Variants in APBA2 observed in about 807,000 individuals in gnomAD.
The protein encoded by APBA2 is amyloid beta precursor protein binding family A member 2, also known as amyloid-beta A4 precursor protein-binding family A member 2.
Under a neutral mutation model 75.0 loss-of-function variants are expected in APBA2, and 30 were observed. The observed-to-expected ratio is 0.40, with a 90% CI of 0.30 to 0.54. The LOEUF (loss-of-function observed/expected upper bound fraction) is 0.54, where lower values mean the gene tolerates loss of function less well. Ranked by LOEUF, APBA2 falls within the 20% of genes least tolerant of loss-of-function variation. APBA2 has a pLI of 0.49. For synonymous variants in APBA2, 444 were observed against 409.6 expected, an observed-to-expected ratio of 1.08 and a Z score of -1.01; for missense variants, 801 against 1,016.1, an observed-to-expected ratio of 0.79 and a Z score of 2.88.
chr15:28,917,166 C>G (rs888688613), intron 1 of APBA2, among the ~76,000 whole-genome samples: 1 of 152,234 alleles, frequency 6.6e-6, no homozygotes, highest in Admixed American at 6.5e-5. Flanking sequence ...TTTCCTGTTT[C>G]CATCCTCCCT....
In APBA2 at chr15:28,902,401, A is replaced by C. The variant is rs552668756; in HGVS notation, c.-205+16123A>C. The stretch of plus-strand genomic sequence containing the variant: ...TGCTCTTCAAAATATCAAGTCCATC[A>C]AAACTAAGGACACTCTGAGATGCTG... On this transcript the variant is annotated intron_variant, in intron 1 of 14. Coordinates refer to ENST00000683413, the MANE Select transcript of APBA2 (RefSeq NM_001353788.2). Among the ~76,000 whole-genome samples the C allele has an allele frequency of 9.7e-4, 148 of 152,302 alleles. 2 individuals carry two copies. Among genetic ancestry groups the C allele is most frequent in the African/African-American group, 3.5e-3 (146 of 41,558 alleles).
chr15:28,993,019 C>A (rs2038316650), intron 2 of APBA2, among the ~76,000 whole-genome samples: 1 of 152,170 alleles, frequency 6.6e-6, no homozygotes, highest in Non-Finnish European at 1.5e-5. Flanking sequence ...CCTCACTGCC[C>A]CTGGAGGGGC....
chr15:28,886,561 G>A (rs904517007), intron 1 of APBA2, among the ~76,000 whole-genome samples: 1 of 151,920 alleles, frequency 6.6e-6, no homozygotes, highest in Non-Finnish European at 1.5e-5. Context: ...CCCGCGCGGG[G>A]GGCACCGCGG....
At chr15:28,941,216 C>T (rs1052468688) in intron 2 of APBA2, among the ~76,000 whole-genome samples, 11 of 152,100 alleles carry the variant, frequency 7.2e-5, no homozygotes, top group Admixed American at 3.3e-4. Context: ...GAGGATGGAA[C>T]CTCTGTGTCT....
At chr15:29,008,203 A>C (rs540748324) in intron 3 of APBA2, among the ~76,000 whole-genome samples, 1 of 152,264 alleles carries the variant, frequency 6.6e-6, no homozygotes, top group East Asian at 1.9e-4. Flanking sequence ...TGGAGACAGA[A>C]AGTAGAATGG....
intron 1 of APBA2, among the ~76,000 whole-genome samples, chr15:28,917,007 CA>C (rs1176104001): frequency 6.6e-6 from 1 of 151,816 alleles, no homozygotes; most frequent in Non-Finnish European, 1.5e-5. Flanking sequence ...ATACACTTCT[CA>C]AAAAAAGGGA....
chr15:29,011,061 C>T (rs964575656), intron 3 of APBA2, among the ~76,000 whole-genome samples: 5 of 152,196 alleles, frequency 3.3e-5, no homozygotes, highest in African/African-American at 1.2e-4. Context: ...TCCGACTACT[C>T]TAGGTACCTC....
rs777050127 is a variant in APBA2 at position 29,105,440 on chromosome 15, G to A, written c.1586G>A (p.Arg529Gln). 2.2e-5 allele frequency: 36 copies of A among 1,613,560 alleles called. No individual in the cohort carries two copies. Among genetic ancestry groups the A allele is most frequent in the South Asian group, 4.4e-5 (4 of 91,074 alleles). The change falls in exon 11 of 15, where the codon CGA becomes CAA. Residue 529 changes from arginine (R) to glutamine (Q), a missense_variant. By Grantham distance (43) the Arg-to-Gln change is conservative. This residue lies in a region of APBA2 where 367 missense variants were observed against 544.5 expected (regional missense o/e 0.67). Transcript: ENST00000683413. ...AGCGTGGCCTACCAGGAGTTCCTGC[G>A]AGCCAATGGCATCAACCCCGAAGAC... Reference protein sequence around the residue: ...AFSVAYQEFLRANGINPEDLS... With the variant: ...AFSVAYQEFLQANGINPEDLS...
intron 2 of APBA2, among the ~76,000 whole-genome samples, chr15:28,936,577 C>CGTG (rs1256493050): frequency 5.9e-5 from 9 of 152,214 alleles, no homozygotes; most frequent in Non-Finnish European, 1.3e-4. Flanking sequence ...GCGTTAGGCA[C>CGTG]GTGCTGGGTG....
intron 3 of APBA2, among the ~76,000 whole-genome samples, chr15:29,015,346 T>C (rs1379448777): frequency 1.3e-5 from 2 of 152,128 alleles, no homozygotes; most frequent in South Asian, 2.1e-4. Flanking sequence ...ACAGCATCTG[T>C]AGTAGAATAA....
At chr15:29,114,688 T>TG (rs1172021173) in intron 14 of APBA2, among the ~76,000 whole-genome samples, 1 of 148,804 alleles carries the variant, frequency 6.7e-6, no homozygotes, top group Non-Finnish European at 1.5e-5. Context: ...TGGGTAGGTG[T>TG]GGGAAATGAG....
At chr15:29,004,819 A>G (rs1374162129) in intron 3 of APBA2, among the ~76,000 whole-genome samples, 1 of 152,016 alleles carries the variant, frequency 6.6e-6, no homozygotes, top group African/African-American at 2.4e-5. Flanking sequence ...AGCTGGGATT[A>G]TAGGCACATG....
At chr15:29,034,267 G>T (rs542595108) in intron 3 of APBA2, among the ~76,000 whole-genome samples, 1 of 152,258 alleles carries the variant, frequency 6.6e-6, no homozygotes, top group African/African-American at 2.4e-5. Flanking sequence ...GGTAGCCCGT[G>T]TCTCCTGTCT....
chr15:29,107,185 A>G (rs1282345497), intron 12 of APBA2, among the ~76,000 whole-genome samples: 1 of 151,052 alleles, frequency 6.6e-6, no homozygotes, highest in South Asian at 2.1e-4. Context: ...CTTCTGGGAA[A>G]CCCCCTCAGT....
At chr15:28,998,836 C>T (rs1238575604) in intron 3 of APBA2, among the ~76,000 whole-genome samples, 1 of 152,180 alleles carries the variant, frequency 6.6e-6, no homozygotes, top group Non-Finnish European at 1.5e-5. Context: ...GCACATGTAC[C>T]AGTAAACGGC....
chr15:29,094,392 G>T (rs1231569291), intron 8 of APBA2, 79 bp downstream of exon 8: 11 of 1,306,002 alleles, frequency 8.4e-6, no homozygotes, highest in Non-Finnish European at 1.1e-5. Context: ...GGGGGCTGGG[G>T]GGTTCCCCTG....
chr15:28,930,640 T>C (rs1159417182), intron 2 of APBA2, among the ~76,000 whole-genome samples: 1 of 152,090 alleles, frequency 6.6e-6, no homozygotes, highest in Non-Finnish European at 1.5e-5. Context: ...GGATGGAGTG[T>C]CTGGGGAGAG....
At chr15:28,954,160 C>T (rs74804241) in intron 2 of APBA2, among the ~76,000 whole-genome samples, 4,647 of 152,180 alleles carry the variant, frequency 0.031, 249 homozygotes, top group African/African-American at 0.11. Context: ...ATGGTCACAC[C>T]GGCACCGCTG....
intron 2 of APBA2, among the ~76,000 whole-genome samples, chr15:28,957,543 C>T (rs978104516): frequency 8.5e-5 from 13 of 152,342 alleles, no homozygotes; most frequent in South Asian, 2.1e-4. Flanking sequence ...GTTTTCTCCA[C>T]ATCCTCACCA....
Sources: allele counts gnomAD v4.1 joint callset (sites outside exome capture counted in the v4.1 genomes callset), GRCh38; gene constraint gnomAD v4.1.1; regional missense constraint gnomAD v4.1.1; transcripts MANE v1.5; gene names NCBI Gene and HGNC (gene_info 2026-07-23, HGNC 2026-07-21).